The following SND1 variants were observed in gnomAD, a reference collection of about 807,000 sequenced individuals.
The protein encoded by SND1 is staphylococcal nuclease domain-containing protein 1.
In SND1, 38 loss-of-function variants were observed where a neutral mutation model predicts 121.7. That is an observed-to-expected ratio of 0.31 (90% CI 0.24 to 0.41). SND1 has a LOEUF of 0.41. Ranked by LOEUF, SND1 falls within the 10% of genes least tolerant of loss-of-function variation. The pLI, the probability that SND1 is intolerant of heterozygous loss-of-function variation, is 1.00. For synonymous variants in SND1, 401 were observed against 447.4 expected (o/e 0.90, Z 1.31); for missense variants, 868 against 1,184.6 (o/e 0.73, Z 3.92).
rs1173033021 is a variant in SND1 at position 127,877,681 on chromosome 7, C to G, written c.1344-10221C>G. 2.0e-5 allele frequency among the ~76,000 whole-genome samples: 3 copies of G among 152,062 alleles called. No homozygotes were observed. In the East Asian group the frequency reaches 5.8e-4, roughly 29 times the overall value. ...CTCCTGAGCTCAAGGGATCCACCCA[C>G]CTAGGCTTCCCAAAGTGCTAGGATT... is the stretch of plus-strand genomic sequence containing the variant. On this transcript the variant is annotated intron_variant, in intron 12 of 23. Coordinates refer to ENST00000354725, the MANE Select transcript of SND1 (RefSeq NM_014390.4).
chr7:127,682,915 G>A (rs1390571204), intron 1 of SND1, among the ~76,000 whole-genome samples: 1 of 152,146 alleles, frequency 6.6e-6, no homozygotes, highest in Non-Finnish European at 1.5e-5. Flanking sequence ...AATCAACCTG[G>A]CAGGTCTTTC....
rs117798769 is a variant in SND1, at chr7:127,923,415, C to G, written c.1528-5773C>G. ...CACTGAAGTTTACGCCCTCCCTGGT[C>G]TCTCTAGTACACATCTCACCACAAA... On this transcript the variant is annotated intron_variant, in intron 14 of 23. Transcript: ENST00000354725. Among the ~76,000 whole-genome samples, 88 of 152,276 alleles carry G rather than the reference C, an allele frequency of 5.8e-4. 3 individuals carry two copies. In the East Asian group the frequency reaches 0.015, roughly 25 times the overall value.
intron 16 of SND1, among the ~76,000 whole-genome samples, chr7:128,062,349 G>A (rs1793245242): frequency 6.6e-6 from 1 of 152,214 alleles, no homozygotes; most frequent in Admixed American, 6.5e-5. Context: ...GACTGCCTCA[G>A]AGGGGATGGT....
At chr7:128,064,459 G>T (rs1296672946) in intron 16 of SND1, among the ~76,000 whole-genome samples, 1 of 152,224 alleles carries the variant, frequency 6.6e-6, no homozygotes, top group Admixed American at 6.5e-5. Flanking sequence ...CATTTCTGAG[G>T]TAGAATCAGT....
In SND1 at chr7:127,826,546, G is replaced by A. The variant is rs1798645947; in HGVS notation, c.1243-17778G>A. Among the ~76,000 whole-genome samples, 3 of 152,208 alleles carry A rather than the reference G, an allele frequency of 2.0e-5. No homozygotes were observed. The South Asian group carries it at 6.2e-4, about 32-fold the overall frequency. ...TACATAGGATTTGGTCATTTAAGAA[G>A]CTTGATAGATTTTTCCCATCCTTTT... On this transcript the variant is annotated intron_variant, in intron 11 of 23. Transcript: ENST00000354725.
intron 12 of SND1, among the ~76,000 whole-genome samples, chr7:127,868,641 C>T (rs201952325): frequency 3.3e-5 from 5 of 152,022 alleles, no homozygotes; most frequent in East Asian, 1.9e-4. Context: ...CAAGTTAGTC[C>T]GCTTGGTATG....
intron 12 of SND1, among the ~76,000 whole-genome samples, chr7:127,848,186 TAAAC>T (rs998026225): frequency 3.3e-5 from 5 of 152,230 alleles, no homozygotes; most frequent in Admixed American, 6.5e-5. Flanking sequence ...CAAGACAACT[TAAAC>T]AATGCTTAAA....
intron 10 of SND1, among the ~76,000 whole-genome samples, chr7:127,756,601 C>G (rs768963938): frequency 6.6e-6 from 1 of 152,162 alleles, no homozygotes; most frequent in Non-Finnish European, 1.5e-5. Context: ...TCTAGAATTC[C>G]TTTTTCCCAC....
At chr7:127,922,967 C>A (rs1800750200) in intron 14 of SND1, among the ~76,000 whole-genome samples, 1 of 152,172 alleles carries the variant, frequency 6.6e-6, no homozygotes, top group Non-Finnish European at 1.5e-5. Context: ...GTGTGAGAAT[C>A]TGTAAACCAC....
intron 10 of SND1, among the ~76,000 whole-genome samples, chr7:127,734,752 C>G (rs1052362466): frequency 2.6e-5 from 4 of 152,130 alleles, no homozygotes; most frequent in Non-Finnish European, 5.9e-5. Flanking sequence ...TGTCCTTGTT[C>G]TGAGGCCTTA....
rs532170944 is a variant in SND1 at position 127,780,897 on chromosome 7, A to T, written c.1153-26587A>T. 2.0e-5 allele frequency among the ~76,000 whole-genome samples: 3 copies of T among 152,298 alleles called. No homozygotes were observed. The East Asian group carries it at 5.8e-4, about 29-fold the overall frequency. On this transcript the variant is annotated intron_variant, in intron 10 of 23. Transcript: ENST00000354725. ...CCTATGGCTGAAAAGTGAATTCTTT[A>T]TGATTTTGGCAGCATTTAGAATTCT... is the stretch of plus-strand genomic sequence containing the variant.
At chr7:127,999,120 C>A (rs1458025558) in intron 16 of SND1, 1 of 152,164 alleles carries the variant, frequency 6.6e-6, no homozygotes, top group African/African-American at 2.4e-5. Context: ...GGCCTCACTG[C>A]TCTCCAGAGG....
intron 1 of SND1, among the ~76,000 whole-genome samples, chr7:127,667,760 G>A (rs1397216153): frequency 6.6e-6 from 1 of 152,188 alleles, no homozygotes; most frequent in Non-Finnish European, 1.5e-5. Context: ...TATTCCGAAA[G>A]CACAGTCCTT....
intron 11 of SND1, among the ~76,000 whole-genome samples, chr7:127,832,590 T>G (rs1264775992): frequency 2.0e-5 from 3 of 152,356 alleles, no homozygotes; most frequent in Non-Finnish European, 2.9e-5. Flanking sequence ...CATCAAAATT[T>G]GTCAATTTTA....
At chr7:128,037,408 G>T (rs1792770113) in intron 16 of SND1, among the ~76,000 whole-genome samples, 1 of 152,182 alleles carries the variant, frequency 6.6e-6, no homozygotes. Flanking sequence ...GGATAATCCA[G>T]GATGATCTCC....
intron 1 of SND1, among the ~76,000 whole-genome samples, chr7:127,678,785 A>C (rs1167022099): frequency 6.6e-6 from 1 of 152,178 alleles, no homozygotes; most frequent in East Asian, 1.9e-4. Flanking sequence ...ATGCATTTTG[A>C]AATATTCCCC....
chr7:127,712,324 A>G (rs1796311775), intron 9 of SND1, among the ~76,000 whole-genome samples: 1 of 151,972 alleles, frequency 6.6e-6, no homozygotes, highest in Non-Finnish European at 1.5e-5. Context: ...ACACCTGGCT[A>G]ATTTTTAAAT....
chr7:128,001,761 G>A (rs1395808614), intron 16 of SND1, among the ~76,000 whole-genome samples: 7 of 152,062 alleles, frequency 4.6e-5, no homozygotes, highest in African/African-American at 9.7e-5. Flanking sequence ...GAGAAACCCC[G>A]TCTCTACTAA....
intron 2 of SND1, among the ~76,000 whole-genome samples, chr7:127,687,698 T>C (rs1394315626): frequency 6.6e-6 from 1 of 152,090 alleles, no homozygotes; most frequent in Non-Finnish European, 1.5e-5. Flanking sequence ...TTTTTTTTGT[T>C]TTGTTTTGAG....
Sources: allele counts gnomAD v4.1 joint callset (sites outside exome capture counted in the v4.1 genomes callset), GRCh38; gene constraint gnomAD v4.1.1; transcripts MANE v1.5; gene names NCBI Gene and HGNC (gene_info 2026-07-23, HGNC 2026-07-21).